Variants in COL25A1 observed in about 807,000 individuals in gnomAD.
COL25A1 encodes collagen alpha-1(XXV) chain.
In COL25A1, 103 loss-of-function variants were observed where a neutral mutation model predicts 128.4. The observed-to-expected ratio is 0.80, with a 90% CI of 0.68 to 0.94. COL25A1 has a LOEUF of 0.94. Among genes scored for constraint, COL25A1 ranks in the 40% least tolerant of loss-of-function variants. The probability of loss-of-function intolerance (pLI) is 0.00; values close to 1 mark genes in which losing one functional copy is unlikely to be tolerated. For missense variants in COL25A1, 745 were observed against 840.0 expected, an observed-to-expected ratio of 0.89 and a Z score of 1.40; for synonymous variants, 279 against 277.2, an observed-to-expected ratio of 1.01 and a Z score of -0.06.
chr4:108,970,767 C>T (rs76672896), intron 8 of COL25A1, among the ~76,000 whole-genome samples: 4,080 of 152,240 alleles, frequency 0.027, 129 homozygotes, highest in African/African-American at 0.075. Context: ...TATTCAACTT[C>T]TAAAAATTCC....
chr4:109,065,848 T>G (rs1050352895), intron 3 of COL25A1, among the ~76,000 whole-genome samples: 4 of 152,070 alleles, frequency 2.6e-5, no homozygotes, highest in South Asian at 4.2e-4. Flanking sequence ...TATGGCAAGG[T>G]TTTTTATTTC....
chr4:109,301,303 G>A (rs1377448319), intron 2 of COL25A1, among the ~76,000 whole-genome samples: 1 of 152,076 alleles, frequency 6.6e-6, no homozygotes, highest in African/African-American at 2.4e-5. Flanking sequence ...TTACATTTAA[G>A]AGTGATTACC....
intron 3 of COL25A1, among the ~76,000 whole-genome samples, chr4:109,082,603 A>T (rs932753015): frequency 1.3e-5 from 2 of 152,170 alleles, no homozygotes; most frequent in Admixed American, 6.5e-5. Flanking sequence ...TCTGTAGAGA[A>T]ATGTCTATTC....
chr4:108,924,698 G>A (rs1032500662), intron 11 of COL25A1, among the ~76,000 whole-genome samples: 5 of 152,138 alleles, frequency 3.3e-5, no homozygotes, highest in African/African-American at 4.8e-5. Context: ...TGCTGCCTGC[G>A]TGAGCTTCCC....
intron 26 of COL25A1, among the ~76,000 whole-genome samples, chr4:108,850,873 T>G (rs1218034468): frequency 6.6e-6 from 1 of 152,076 alleles, no homozygotes; most frequent in Non-Finnish European, 1.5e-5. Context: ...ACCTAGGAGG[T>G]CCTTTTTGCC....
rs1703191734 is a variant in COL25A1 at position 108,812,532 on chromosome 4, G to C, written c.*1395C>G. 6.6e-6 allele frequency: 1 copy of C among 152,078 alleles called. No individual in the cohort carries two copies. 9.4% of individuals were successfully genotyped at this position (152,078 alleles called of 1,614,324 possible). On this transcript the variant is annotated 3_prime_UTR_variant, in exon 38 of 38. Transcript: ENST00000399132. ...TTCTATCCAATTATCCAAAACAAGA[G>C]AGAAGTTAGTAAAAGGTCATTTTGA...
At chr4:108,873,476 G>A (rs1012896716) in intron 19 of COL25A1, among the ~76,000 whole-genome samples, 10 of 151,944 alleles carry the variant, frequency 6.6e-5, no homozygotes, top group Non-Finnish European at 1.3e-4. Context: ...ATAAATGCTT[G>A]TTATTATTGT....
Position 109,144,511 on chromosome 4 carries a change from C to T in COL25A1, c.368-94332G>A, listed in dbSNP as rs991445037. Among the ~76,000 whole-genome samples the T allele has an allele frequency of 2.0e-5, 3 of 152,202 alleles. No individual in the cohort carries two copies. The East Asian group carries it at 5.8e-4, about 29-fold the overall frequency. On this transcript the variant is annotated intron_variant, in intron 3 of 37. Transcript: ENST00000399132. ...TTGCGCCCACAGCCGCCCCTTCCCCCAGGTGTTCTGTGCAAGGAAGATGGG... is the reference window on the plus strand; with the variant it reads ...TTGCGCCCACAGCCGCCCCTTCCCCTAGGTGTTCTGTGCAAGGAAGATGGG...
intron 3 of COL25A1, among the ~76,000 whole-genome samples, chr4:109,207,294 T>C (rs908056715): frequency 1.3e-5 from 2 of 152,158 alleles, no homozygotes; most frequent in Non-Finnish European, 2.9e-5. Flanking sequence ...AAGCATCCCA[T>C]ATCAGATCAT....
chr4:109,019,371 C>CATATATATATATATATATATATATAT (rs1183525991), intron 5 of COL25A1, among the ~76,000 whole-genome samples: 3 of 8,934 alleles, frequency 3.4e-4, no homozygotes, highest in Admixed American at 1.9e-3. Context: ...CACACACACA[C>CATATATATATATATATATATATATAT]ACACATATAT....
At chr4:109,031,957 T>C (rs1758907257) in intron 5 of COL25A1, among the ~76,000 whole-genome samples, 1 of 152,212 alleles carries the variant, frequency 6.6e-6, no homozygotes, top group South Asian at 2.1e-4. Flanking sequence ...CTCAATTCAT[T>C]TATAGCATTA....
rs2125699716 is a variant in COL25A1, at chr4:108,812,912, G to T, written c.*1015C>A. The T allele has an allele frequency of 6.6e-6, 1 of 152,280 alleles. No individual in the cohort carries two copies. The highest frequency in any genetic ancestry group is 2.1e-4 in the South Asian group (1 of 4,820). The allele number at this position is 152,280 out of a possible 1,614,324, so 9.4% of individuals were successfully genotyped here. On this transcript the variant is annotated 3_prime_UTR_variant, in exon 38 of 38. Coordinates refer to ENST00000399132, the MANE Select transcript of COL25A1 (RefSeq NM_198721.4). The stretch of plus-strand genomic sequence containing the variant: ...GACATCCCTTTTCCCTCAGGGACAG[G>T]ATCTCCCATTCCAAGAATCTCCTAT...
chr4:109,043,641 C>T (rs1168725704), intron 5 of COL25A1, among the ~76,000 whole-genome samples: 2 of 152,072 alleles, frequency 1.3e-5, no homozygotes, highest in African/African-American at 4.8e-5. Context: ...TTGCTTGATT[C>T]TGTGACCTGT....
At chr4:109,278,931 A>G (rs1723098371) in intron 3 of COL25A1, among the ~76,000 whole-genome samples, 2 of 152,116 alleles carry the variant, frequency 1.3e-5, no homozygotes, top group South Asian at 2.1e-4. Context: ...TTCCTCTTGA[A>G]TGGCACCTTG....
intron 16 of COL25A1, among the ~76,000 whole-genome samples, chr4:108,895,124 C>A (rs1394002439): frequency 6.6e-6 from 1 of 152,082 alleles, no homozygotes; most frequent in African/African-American, 2.4e-5. Context: ...CTAGACTCCT[C>A]GAATATGAAT....
intron 5 of COL25A1, among the ~76,000 whole-genome samples, chr4:109,040,893 A>G (rs1759818049): frequency 6.6e-6 from 1 of 152,102 alleles, no homozygotes; most frequent in South Asian, 2.1e-4. Flanking sequence ...ATTTAATTTT[A>G]CTTATCAAGT....
intron 3 of COL25A1, among the ~76,000 whole-genome samples, chr4:109,059,862 A>G (rs1761798295): frequency 6.6e-6 from 1 of 152,198 alleles, no homozygotes; most frequent in African/African-American, 2.4e-5. Context: ...TGTTAAATGG[A>G]TGACCTTTTT....
chr4:109,126,842 G>A (rs1579448837), intron 3 of COL25A1, among the ~76,000 whole-genome samples: 1 of 151,184 alleles, frequency 6.6e-6, no homozygotes, highest in Non-Finnish European at 1.5e-5. Context: ...CACCAGCATG[G>A]CACATGTATA....
chr4:109,271,165 C>T (rs887565510), intron 3 of COL25A1, among the ~76,000 whole-genome samples: 18 of 152,204 alleles, frequency 1.2e-4, no homozygotes, highest in African/African-American at 3.6e-4. Flanking sequence ...GAATATAATG[C>T]TATTTTTCTT....
Sources: allele counts gnomAD v4.1 joint callset (sites outside exome capture counted in the v4.1 genomes callset), GRCh38; gene constraint gnomAD v4.1.1; transcripts MANE v1.5; gene names NCBI Gene and HGNC (gene_info 2026-07-23, HGNC 2026-07-21).